The following PIP5K1C variants were observed in gnomAD, a reference collection of about 807,000 sequenced individuals.
PIP5K1C encodes phosphatidylinositol-4-phosphate 5-kinase type 1 gamma.
A neutral mutation model predicts 80.1 loss-of-function variants in PIP5K1C; 45 were observed. That is an observed-to-expected ratio of 0.56 (90% CI 0.44 to 0.72). The LOEUF (loss-of-function observed/expected upper bound fraction) is 0.72, where lower values mean the gene tolerates loss of function less well. PIP5K1C is among the 30% of genes least tolerant of loss of function. The probability of loss-of-function intolerance (pLI) is 0.00; values close to 1 mark genes in which losing one functional copy is unlikely to be tolerated. For synonymous variants in PIP5K1C, 498 were observed against 420.1 expected (o/e 1.19, Z -2.27); for missense variants, 753 against 954.6 (o/e 0.79, Z 2.78).
intron 16 of PIP5K1C, among the ~76,000 whole-genome samples, chr19:3,634,559 C>A (rs996173445): frequency 6.6e-6 from 1 of 152,244 alleles, no homozygotes; most frequent in Non-Finnish European, 1.5e-5. Flanking sequence ...ACAGTCACAA[C>A]CCAGTCCATC....
At chr19:3,673,686 G>C (rs1478775821) in intron 1 of PIP5K1C, 1 of 151,254 alleles carries the variant, frequency 6.6e-6, no homozygotes, top group Non-Finnish European at 1.5e-5. Flanking sequence ...CAGAGCTCAC[G>C]GTCACCTCCC....
chr19:3,675,912 C>A (rs1046206972), intron 1 of PIP5K1C, among the ~76,000 whole-genome samples: 1 of 152,206 alleles, frequency 6.6e-6, no homozygotes, highest in Admixed American at 6.5e-5. Flanking sequence ...GCAGGATGAC[C>A]CCAGGTGATG....
rs531776977 is a variant in PIP5K1C, at chr19:3,670,402, G to T, written c.95-3049C>A. Among the ~76,000 whole-genome samples, 7 of 152,270 alleles carry T rather than the reference G, an allele frequency of 4.6e-5. No homozygotes were observed. In the East Asian group the frequency reaches 1.4e-3, roughly 29 times the overall value. Reference sequence around the variant, plus strand: ...GCTCAGGGAGGCCAAGATGCCGTGTGGGGTGGAGGCGGGGAGGGCACCACT... The same window carrying T: ...GCTCAGGGAGGCCAAGATGCCGTGTTGGGTGGAGGCGGGGAGGGCACCACT... On this transcript the variant is annotated intron_variant, in intron 1 of 17. Coordinates refer to ENST00000335312, the MANE Select transcript of PIP5K1C (RefSeq NM_012398.3).
intron 6 of PIP5K1C, among the ~76,000 whole-genome samples, chr19:3,654,820 A>G (rs1259804595): frequency 1.4e-5 from 2 of 141,134 alleles, no homozygotes; most frequent in Middle Eastern, 3.6e-3. Flanking sequence ...TCTCAAAAGA[A>G]AAAAAAAAAA....
chr19:3,670,685 C>A (rs2145526472), intron 1 of PIP5K1C, among the ~76,000 whole-genome samples: 1 of 152,352 alleles, frequency 6.6e-6, no homozygotes, highest in Admixed American at 6.5e-5. Flanking sequence ...TGGGAGGGGG[C>A]GTACTTCTCA....
At position 3,662,925 on chromosome 19, in the gene PIP5K1C, G is replaced by A. The variant is rs374665602; in HGVS notation, c.220-924C>T. On this transcript the variant is annotated intron_variant, in intron 3 of 17. Coordinates refer to ENST00000335312, the MANE Select transcript of PIP5K1C (RefSeq NM_012398.3). ...TGCCCAGGCTGGAATGCAGTGGTGC[G>A]ATCTTGGATCACTGCAACCTCCGCC... Among the ~76,000 whole-genome samples, 1,319 of 152,176 alleles carry A rather than the reference G, an allele frequency of 8.7e-3. 19 individuals carry two copies. Among genetic ancestry groups the A allele is most frequent in the African/African-American group, 0.03 (1,240 of 41,512 alleles).
At chr19:3,635,377 T>G (rs201180680) in intron 16 of PIP5K1C, among the ~76,000 whole-genome samples, 5 of 152,202 alleles carry the variant, frequency 3.3e-5, no homozygotes, top group Admixed American at 1.3e-4. Flanking sequence ...CGAAACCCTA[T>G]CTCTACTAAA....
chr19:3,676,713 C>T (rs1555727172), intron 1 of PIP5K1C, among the ~76,000 whole-genome samples: 2 of 152,146 alleles, frequency 1.3e-5, no homozygotes, highest in Admixed American at 6.5e-5. Flanking sequence ...ATCCCATCTC[C>T]GAATCCAGAA....
chr19:3,678,291 TGGAGGGATGGAGGGAC>T (rs1384750757), intron 1 of PIP5K1C, among the ~76,000 whole-genome samples: 19 of 41,188 alleles, frequency 4.6e-4, no homozygotes, highest in African/African-American at 1.5e-3. Context: ...GGTGGAGGGA[TGGAGGGATGGAGGGAC>T]GGAGGGATGG....
At chr19:3,668,849 T>G (rs1008491983) in intron 1 of PIP5K1C, among the ~76,000 whole-genome samples, 1 of 151,716 alleles carries the variant, frequency 6.6e-6, no homozygotes, top group Admixed American at 6.6e-5. Flanking sequence ...CCGGAGGGAG[T>G]TCCAGGCGGA....
At chr19:3,646,084 C>G in intron 10 of PIP5K1C, 26 bp from the exon 11 acceptor site, 1 of 1,481,408 alleles carries the variant, frequency 6.8e-7, no homozygotes, top group Non-Finnish European at 9.4e-7. Flanking sequence ...GGGGGGTGCC[C>G]GGGGGCAGAG....
chr19:3,664,025 C>T (rs746872070), intron 3 of PIP5K1C, among the ~76,000 whole-genome samples: 21 of 152,372 alleles, frequency 1.4e-4, no homozygotes, highest in Non-Finnish European at 2.6e-4. Flanking sequence ...CGCACCAGAA[C>T]ACGACTCAGC....
Position 3,653,507 on chromosome 19 carries a change from A to T in PIP5K1C, c.704T>A (p.Val235Asp). 6.2e-7 allele frequency: 1 copy of T among 1,613,808 alleles called. No individual in the cohort carries two copies. Among genetic ancestry groups the T allele is most frequent in the Non-Finnish European group, 8.5e-7 (1 of 1,180,016 alleles). ...CVQSGGKNIR[V>D]VVMNNILPRV... ...GGGCAGGATGTTGTTCATGACCACG[A>T]CGCGGATGTTCTTGCCCCCCGACTG... Residue 235 changes from valine to aspartate, a missense_variant, in exon 7 of 18, where the codon GTC (valine) becomes GAC (aspartate). Transcript: ENST00000335312.
intron 1 of PIP5K1C, among the ~76,000 whole-genome samples, chr19:3,687,189 G>A (rs569484594): frequency 3.4e-4 from 51 of 150,532 alleles, no homozygotes; most frequent in Non-Finnish European, 5.8e-4. Context: ...GTGAGACTCC[G>A]ACTCAAAACA....
intron 5 of PIP5K1C, among the ~76,000 whole-genome samples, chr19:3,658,786 G>C (rs2034730423): frequency 6.6e-6 from 1 of 152,246 alleles, no homozygotes; most frequent in South Asian, 2.1e-4. Flanking sequence ...CCGATGACAG[G>C]GAAATTCTGA....
At chr19:3,633,841 GTGT>G (rs1346972967) in intron 16 of PIP5K1C, among the ~76,000 whole-genome samples, 1 of 152,082 alleles carries the variant, frequency 6.6e-6, no homozygotes, top group African/African-American at 2.4e-5. Context: ...GGAGCACCGA[GTGT>G]TCCTCCTCCT....
At chr19:3,646,677 C>T (rs1415509790) in intron 10 of PIP5K1C, among the ~76,000 whole-genome samples, 1 of 152,210 alleles carries the variant, frequency 6.6e-6, no homozygotes, top group Non-Finnish European at 1.5e-5. Flanking sequence ...TAAGACATCC[C>T]CAGAGGCCTC....
rs149677106 is a variant in PIP5K1C, at chr19:3,690,779, A to G, written c.94+9518T>C. On this transcript the variant is annotated intron_variant, in intron 1 of 17. Coordinates refer to ENST00000335312, the MANE Select transcript of PIP5K1C (RefSeq NM_012398.3). Reference sequence around the variant, plus strand: ...CTACGAATCAACAAAATGGTGACAGATAACTGTAGACTGGGAAAGACACAA... The same window carrying G: ...CTACGAATCAACAAAATGGTGACAGGTAACTGTAGACTGGGAAAGACACAA... Among the ~76,000 whole-genome samples the G allele has an allele frequency of 6.2e-3, 942 of 152,362 alleles. 9 individuals carry two copies. The highest frequency in any genetic ancestry group is 6.3e-3 in the Non-Finnish European group (428 of 68,036).
intron 17 of PIP5K1C, 58 bp downstream of exon 17, chr19:3,633,379 A>T: frequency 1.5e-6 from 2 of 1,331,470 alleles, no homozygotes; most frequent in Non-Finnish European, 1.0e-6. Flanking sequence ...GCTGGGGACC[A>T]CGCTCAGTAG....
Sources: allele counts gnomAD v4.1 joint callset (sites outside exome capture counted in the v4.1 genomes callset), GRCh38; gene constraint gnomAD v4.1.1; transcripts MANE v1.5; gene names NCBI Gene and HGNC (gene_info 2026-07-23, HGNC 2026-07-21).